SHISA6: variants seen among roughly 807,000 people sequenced by gnomAD.
SHISA6 encodes protein shisa-6.
SHISA6 carries 22 observed loss-of-function variants against 47.9 expected under a neutral mutation model. That is an observed-to-expected ratio of 0.46 (90% CI 0.33 to 0.66). The LOEUF (loss-of-function observed/expected upper bound fraction) is 0.66. SHISA6 is among the 30% of genes least tolerant of loss of function. The pLI, the probability that SHISA6 is intolerant of heterozygous loss-of-function variation, is 0.02. For synonymous variants in SHISA6, 388 were observed against 337.8 expected (o/e 1.15, Z -1.63); for missense variants, 680 against 764.6 (o/e 0.89, Z 1.30).
intron 2 of SHISA6, among the ~76,000 whole-genome samples, chr17:11,336,160 G>A (rs1218124716): frequency 6.6e-6 from 1 of 152,104 alleles, no homozygotes; most frequent in Non-Finnish European, 1.5e-5. Flanking sequence ...AGTGAGCTGA[G>A]ATCGTGCCAC....
chr17:11,506,869 A>C (rs2071503322), intron 3 of SHISA6, among the ~76,000 whole-genome samples: 1 of 152,216 alleles, frequency 6.6e-6, no homozygotes. Context: ...CCAGGCTATT[A>C]TGTAGGGAGA....
rs1370373177 is a variant in SHISA6, at chr17:11,535,009, C to T, written c.896-16887C>T. Among the ~76,000 whole-genome samples, 7 of 151,996 alleles carry T rather than the reference C, an allele frequency of 4.6e-5. No homozygotes were observed. In the East Asian group the frequency reaches 5.8e-4, roughly 13 times the overall value. ...CATGCGTGGTGGCAGGCACCTGTAA[C>T]CCCAGCTACTCGGGAGGCTGAAGCA... On this transcript the variant is annotated intron_variant, in intron 3 of 5. Coordinates refer to ENST00000441885, the MANE Select transcript of SHISA6 (RefSeq NM_207386.4).
intron 3 of SHISA6, among the ~76,000 whole-genome samples, chr17:11,428,117 T>G (rs1185167574): frequency 6.6e-6 from 1 of 152,206 alleles, no homozygotes; most frequent in Non-Finnish European, 1.5e-5. Context: ...CATTTTACCC[T>G]CTCACATCTC....
chr17:11,352,314 A>C (rs1037073148), intron 2 of SHISA6, among the ~76,000 whole-genome samples: 1 of 152,178 alleles, frequency 6.6e-6, no homozygotes, highest in Non-Finnish European at 1.5e-5. Flanking sequence ...GAAAAAAAAA[A>C]CCCTGAACAA....
At chr17:11,385,930 C>T (rs369383410) in intron 3 of SHISA6, among the ~76,000 whole-genome samples, 12 of 151,592 alleles carry the variant, frequency 7.9e-5, no homozygotes, top group African/African-American at 2.2e-4. Flanking sequence ...GAAGTGACCA[C>T]GAGACCGAGG....
chr17:11,553,372 T>G (rs2071947435), intron 4 of SHISA6, among the ~76,000 whole-genome samples: 1 of 152,126 alleles, frequency 6.6e-6, no homozygotes, highest in Non-Finnish European at 1.5e-5. Flanking sequence ...TCCCACTTGC[T>G]CAGTCACACT....
chr17:11,420,904 T>G (rs1299556221), intron 3 of SHISA6, among the ~76,000 whole-genome samples: 1 of 152,198 alleles, frequency 6.6e-6, no homozygotes, highest in African/African-American at 2.4e-5. Context: ...GAGGTAGGAT[T>G]CTGTCTCTTA....
chr17:11,514,506 G>T (rs2071566568), intron 3 of SHISA6, among the ~76,000 whole-genome samples: 1 of 152,166 alleles, frequency 6.6e-6, no homozygotes, highest in South Asian at 2.1e-4. Flanking sequence ...GAAGGTAACT[G>T]CAGCAGACCT....
chr17:11,376,591 TG>T (rs1912810297), intron 2 of SHISA6, among the ~76,000 whole-genome samples: 1 of 152,176 alleles, frequency 6.6e-6, no homozygotes. Flanking sequence ...TCCAAAGTGC[TG>T]GGATTACAGA....
intron 2 of SHISA6, among the ~76,000 whole-genome samples, chr17:11,376,776 G>T (rs1912816690): frequency 2.6e-5 from 4 of 152,184 alleles, no homozygotes; most frequent in African/African-American, 9.7e-5. Context: ...AGTGGTTCAT[G>T]AAGAGTTGTC....
At chr17:11,425,939 T>C (rs1914599615) in intron 3 of SHISA6, among the ~76,000 whole-genome samples, 1 of 152,176 alleles carries the variant, frequency 6.6e-6, no homozygotes, top group Admixed American at 6.5e-5. Flanking sequence ...GAACCACTCA[T>C]TGTAGACAGG....
At chr17:11,556,152 C>T (rs987844987) in intron 5 of SHISA6, among the ~76,000 whole-genome samples, 2 of 152,158 alleles carry the variant, frequency 1.3e-5, no homozygotes, top group Non-Finnish European at 2.9e-5. Flanking sequence ...CCAATTCATG[C>T]ACCAGTTTAA....
chr17:11,417,798 T>C (rs1323947679), intron 3 of SHISA6, among the ~76,000 whole-genome samples: 1 of 152,228 alleles, frequency 6.6e-6, no homozygotes, highest in African/African-American at 2.4e-5. Context: ...TCAGGATGTA[T>C]GTGTCCAACT....
chr17:11,497,819 T>G (rs1438555451), intron 3 of SHISA6, among the ~76,000 whole-genome samples: 9 of 152,256 alleles, frequency 5.9e-5, no homozygotes, highest in African/African-American at 2.2e-4. Context: ...CAATACTGGC[T>G]CAGACACCTC....
chr17:11,245,134 C>T (rs747610675), intron 1 of SHISA6, among the ~76,000 whole-genome samples: 2 of 152,168 alleles, frequency 1.3e-5, no homozygotes, highest in Admixed American at 6.5e-5. Flanking sequence ...TGGGGGAAAC[C>T]GTCAGCTCTC....
chr17:11,252,130 T>G (rs918707574), intron 1 of SHISA6, among the ~76,000 whole-genome samples: 2 of 152,146 alleles, frequency 1.3e-5, no homozygotes, highest in African/African-American at 4.8e-5. Context: ...GACCCCTCCT[T>G]GCCGAAAGCC....
At chr17:11,282,514 C>T (rs1909157810) in intron 2 of SHISA6, among the ~76,000 whole-genome samples, 1 of 152,048 alleles carries the variant, frequency 6.6e-6, no homozygotes, top group African/African-American at 2.4e-5. Flanking sequence ...TCATCATTTA[C>T]ATTAGGTATT....
Position 11,518,462 on chromosome 17 carries a change from AACACATAC to A in SHISA6, c.896-33412_896-33405del, listed in dbSNP as rs373297957. Among the ~76,000 whole-genome samples the A allele has an allele frequency of 4.2e-3, 641 of 152,076 alleles. 4 individuals carry two copies. Among genetic ancestry groups the A allele is most frequent in the African/African-American group, 0.014 (572 of 41,492 alleles). On this transcript the variant is annotated intron_variant, in intron 3 of 5. Coordinates refer to ENST00000441885, the MANE Select transcript of SHISA6 (RefSeq NM_207386.4). ...GCCAGGAAACACACACACACACACA[AACACATAC>A]ACACATACACACATACACACACAAA...
intron 3 of SHISA6, among the ~76,000 whole-genome samples, chr17:11,443,146 C>T (rs1214278664): frequency 6.6e-6 from 1 of 152,180 alleles, no homozygotes; most frequent in African/African-American, 2.4e-5. Flanking sequence ...GCCTGAGAAG[C>T]CTTGTCTTCA....
Sources: allele counts gnomAD v4.1 joint callset (sites outside exome capture counted in the v4.1 genomes callset), GRCh38; gene constraint gnomAD v4.1.1; transcripts MANE v1.5; gene names NCBI Gene and HGNC (gene_info 2026-07-23, HGNC 2026-07-21).